The following SPAG9 variants were observed in gnomAD, a reference collection of about 807,000 sequenced individuals.
SPAG9 encodes sperm associated antigen 9, also known as C-Jun-amino-terminal kinase-interacting protein 4.
Under a neutral mutation model 166.5 loss-of-function variants are expected in SPAG9, and 35 were observed. The observed-to-expected ratio is 0.21, with a 90% confidence interval of 0.16 to 0.28. The LOEUF (loss-of-function observed/expected upper bound fraction) is 0.28. Ranked by LOEUF, SPAG9 falls within the 10% of genes least tolerant of loss-of-function variation. The probability of loss-of-function intolerance (pLI) is 1.00; values close to 1 mark genes in which losing one functional copy is unlikely to be tolerated. For missense variants in SPAG9, 1,235 were observed against 1,603.3 expected (o/e 0.77, Z 3.92); for synonymous variants, 534 against 565.5 (o/e 0.94, Z 0.79).
At chr17:50,973,886 C>A (rs1328898508) in intron 28 of SPAG9, among the ~76,000 whole-genome samples, 1 of 152,214 alleles carries the variant, frequency 6.6e-6, no homozygotes, top group African/African-American at 2.4e-5. Context: ...AGATTTCAGA[C>A]CTGCTAGTCC....
intron 2 of SPAG9, among the ~76,000 whole-genome samples, chr17:51,059,068 C>G (rs575481916): frequency 6.6e-6 from 1 of 152,130 alleles, no homozygotes; most frequent in Admixed American, 6.5e-5. Context: ...CGTGAATAAA[C>G]AAATTATTGC....
At chr17:51,060,168 C>G (rs1245892948) in intron 2 of SPAG9, among the ~76,000 whole-genome samples, 1 of 152,046 alleles carries the variant, frequency 6.6e-6, no homozygotes, top group Non-Finnish European at 1.5e-5. Context: ...GGTTGAAGCT[C>G]TACCTCCCAA....
chr17:51,056,399 C>T lies in SPAG9; in HGVS notation c.495+13G>A, dbSNP rs1446517507. ...TCAATAATAGCATGGTAATGAAAAA[C>T]CTAGAAACCCACCTCAGTGTGTCTT... is the stretch of plus-strand genomic sequence containing the variant. On this transcript the variant is annotated intron_variant, in intron 3 of 29. Coordinates refer to ENST00000262013, the MANE Select transcript of SPAG9 (RefSeq NM_001130528.3). 1 of 1,535,216 alleles carries T rather than the reference C, an allele frequency of 6.5e-7. No individual in the cohort carries two copies. Among genetic ancestry groups the T allele is most frequent in the Non-Finnish European group, 9.0e-7 (1 of 1,109,812 alleles).
At chr17:50,998,875 CAAG>C (rs2044799793) in intron 14 of SPAG9, among the ~76,000 whole-genome samples, 1 of 152,096 alleles carries the variant, frequency 6.6e-6, no homozygotes, top group Non-Finnish European at 1.5e-5. Flanking sequence ...ATAATGAAAG[CAAG>C]AAGCTCTTAA....
intron 1 of SPAG9, among the ~76,000 whole-genome samples, chr17:51,119,677 G>A (rs993535255): frequency 4.6e-5 from 7 of 152,146 alleles, no homozygotes; most frequent in Non-Finnish European, 1.0e-4. Context: ...TAAACGGAGG[G>A]TTTTTGAAGG....
At chr17:51,088,876 T>A (rs1403078070) in intron 1 of SPAG9, among the ~76,000 whole-genome samples, 3 of 142,230 alleles carry the variant, frequency 2.1e-5, no homozygotes, top group African/African-American at 5.3e-5. Context: ...AGGTGGGTCA[T>A]GTGGTCAAGA....
At chr17:51,106,758 C>T (rs2048961751) in intron 1 of SPAG9, among the ~76,000 whole-genome samples, 1 of 152,054 alleles carries the variant, frequency 6.6e-6, no homozygotes, top group Non-Finnish European at 1.5e-5. Flanking sequence ...GATCAAGCCA[C>T]TGCACTCCAG....
chr17:51,041,702 A>G, intron 4 of SPAG9, 51 bp from the exon 5 acceptor site: 1 of 1,569,786 alleles, frequency 6.4e-7, no homozygotes, highest in Non-Finnish European at 8.7e-7. Flanking sequence ...TTGACTTTTT[A>G]TTTGCCATGA....
At chr17:51,003,393 C>T (rs535405355) in intron 12 of SPAG9, among the ~76,000 whole-genome samples, 120 of 152,272 alleles carry the variant, frequency 7.9e-4, no homozygotes, top group African/African-American at 2.8e-3. Context: ...TGCTCTGTAA[C>T]AATCGTCACT....
At chr17:51,010,590 T>A (rs952516836) in intron 9 of SPAG9, among the ~76,000 whole-genome samples, 1 of 145,398 alleles carries the variant, frequency 6.9e-6, no homozygotes, top group Non-Finnish European at 1.5e-5. Flanking sequence ...AAAATATATA[T>A]ATATATATAT....
In SPAG9 at chr17:51,000,755, G is replaced by GAATA. The variant is rs71149335; in HGVS notation, c.1607+956_1607+959dup. ...CAAGACTCCATCTCAATAAATGAATGAATAAATAAATAAATAAATAAATAA... is the reference window on the plus strand; with the variant it reads ...CAAGACTCCATCTCAATAAATGAATGAATAAATAAATAAATAAATAAATAAATAA... On this transcript the variant is annotated intron_variant, in intron 13 of 29. Transcript: ENST00000262013. Among the ~76,000 whole-genome samples the GAATA allele has an allele frequency of 7.6e-4, 68 of 89,330 alleles. 1 individual carries two copies. Among genetic ancestry groups the GAATA allele is most frequent in the Non-Finnish European group, 1.1e-3 (48 of 42,050 alleles). The allele number at this position is 89,330 out of a possible 152,430, so 58.6% of individuals were successfully genotyped here. A position where few individuals can be genotyped will look rare whatever the true frequency, so the allele number is the denominator to read the frequency against.
chr17:50,976,090 G>C (rs1349832345), intron 27 of SPAG9, among the ~76,000 whole-genome samples: 2 of 151,714 alleles, frequency 1.3e-5, no homozygotes, highest in Non-Finnish European at 2.9e-5. Context: ...GCTTCTATTA[G>C]AATCTCTGCT....
intron 5 of SPAG9, among the ~76,000 whole-genome samples, chr17:51,037,677 ATATATATAGTGTGT>A (rs1159357445): frequency 2.0e-5 from 2 of 99,108 alleles, no homozygotes; most frequent in Non-Finnish European, 4.8e-5. Flanking sequence ...ATATATATAT[ATATATATAGTGTGT>A]GTGTGTGTGT....
chr17:51,097,643 A>C (rs1327777675), intron 1 of SPAG9, among the ~76,000 whole-genome samples: 2 of 152,146 alleles, frequency 1.3e-5, no homozygotes, highest in Non-Finnish European at 2.9e-5. Context: ...AGATTGGCAT[A>C]AGTGTTGTCG....
intron 29 of SPAG9, 42 bp downstream of exon 29, chr17:50,970,665 T>C (rs200650276): frequency 1.5e-5 from 24 of 1,567,640 alleles, no homozygotes; most frequent in Non-Finnish European, 1.9e-5. Context: ...ACCCAAGTCA[T>C]AGCACACAGT....
At position 51,080,051 on chromosome 17, in the gene SPAG9, G is replaced by C. The variant is rs373914987; in HGVS notation, c.304-347C>G. ...CATGTACAATAGAGAACAAAAGAAT[G>C]ATGGAATAATCAATAAATATTTGTT... On this transcript the variant is annotated intron_variant, in intron 1 of 29. Transcript: ENST00000262013. 2.6e-4 allele frequency among the ~76,000 whole-genome samples: 39 copies of C among 152,272 alleles called. No individual in the cohort carries two copies. In the East Asian group the frequency reaches 7.1e-3, roughly 28 times the overall value.
In SPAG9 at chr17:50,964,649, C is replaced by T. The variant is rs1973269005; in HGVS notation, c.*1623G>A. 7.8e-6 allele frequency: 3 copies of T among 386,852 alleles called. No individual in the cohort carries two copies. Among genetic ancestry groups the T allele is most frequent in the South Asian group, 3.7e-5 (2 of 54,018 alleles). 24.0% of individuals were successfully genotyped at this position (386,852 alleles called of 1,614,324 possible). A position where few individuals can be genotyped will look rare whatever the true frequency, so the allele number is the denominator to read the frequency against. ...GAGTAATAGATAAAAAAGGGTAAATCACACATTTTCAAGAAGCTTGAGAGG... is the reference window on the plus strand; with the variant it reads ...GAGTAATAGATAAAAAAGGGTAAATTACACATTTTCAAGAAGCTTGAGAGG... On this transcript the variant is annotated 3_prime_UTR_variant, in exon 30 of 30. Transcript: ENST00000262013.
chr17:51,094,974 TG>T (rs779312955), intron 1 of SPAG9, among the ~76,000 whole-genome samples: 10 of 152,176 alleles, frequency 6.6e-5, no homozygotes, highest in Non-Finnish European at 1.5e-4. Flanking sequence ...AGCACACTAC[TG>T]ATCTGACAAA....
At position 51,028,420 on chromosome 17, in the gene SPAG9, C is replaced by T. The variant is rs114221248; in HGVS notation, c.783+3261G>A. 1.3e-3 allele frequency among the ~76,000 whole-genome samples: 197 copies of T among 152,128 alleles called. 1 individual carries two copies. The highest frequency in any genetic ancestry group is 4.5e-3 in the African/African-American group (187 of 41,502). On this transcript the variant is annotated intron_variant, in intron 6 of 29. Transcript: ENST00000262013. ...TGCAAACTCCATCCATGGTAAGTGC[C>T]CTATAGAGGTATACCATTTTAAATT...
Sources: allele counts gnomAD v4.1 joint callset (sites outside exome capture counted in the v4.1 genomes callset), GRCh38; gene constraint gnomAD v4.1.1; transcripts MANE v1.5; gene names NCBI Gene and HGNC (gene_info 2026-07-23, HGNC 2026-07-21).